ST3GAL1: variants seen among roughly 807,000 people sequenced by gnomAD.
ST3GAL1 encodes CMP-N-acetylneuraminate-beta-galactosamide-alpha-2,3-sialyltransferase 1.
A neutral mutation model predicts 34.1 loss-of-function variants in ST3GAL1; 16 were observed. The observed-to-expected ratio is 0.47, with a 90% CI of 0.32 to 0.71. The LOEUF (loss-of-function observed/expected upper bound fraction) is 0.71, where lower values mean the gene tolerates loss of function less well. Among genes scored for constraint, ST3GAL1 ranks in the 30% least tolerant of loss-of-function variants. The pLI, the probability that ST3GAL1 is intolerant of heterozygous loss-of-function variation, is 0.04. For missense variants in ST3GAL1, 353 were observed against 447.4 expected (o/e 0.79, Z 1.90); for synonymous variants, 191 against 184.7 (o/e 1.03, Z -0.28).
intron 2 of ST3GAL1, among the ~76,000 whole-genome samples, chr8:133,514,672 A>C (rs1563722548): frequency 6.6e-6 from 1 of 152,096 alleles, no homozygotes; most frequent in Non-Finnish European, 1.5e-5. Context: ...ATGAGATTCC[A>C]TCCTGGGCCT....
rs573043236 is a variant in ST3GAL1 at position 133,457,492 on chromosome 8, C to T, written c.*2272G>A. The stretch of plus-strand genomic sequence containing the variant: ...CAACAAACATTTGTTGAGCTCTTAA[C>T]GTCATATATGGGTGTGAGCTCTGCC... On this transcript the variant is annotated 3_prime_UTR_variant, in exon 10 of 10. Transcript: ENST00000522652. 1.3e-5 allele frequency: 2 copies of T among 152,258 alleles called. No individual in the cohort carries two copies. Among genetic ancestry groups the T allele is most frequent in the East Asian group, 3.9e-4 (2 of 5,172 alleles). The allele number at this position is 152,258 out of a possible 1,614,324, so 9.4% of individuals were successfully genotyped here.
rs369709240 is a variant in ST3GAL1, at chr8:133,461,597, G to A, written c.849+278C>T. The stretch of plus-strand genomic sequence containing the variant: ...GCTATGAGAATCCGCTTCTGTATCC[G>A]GAATCTGCTGCGAGATCCGAGCTTC... On this transcript the variant is annotated intron_variant, in intron 9 of 9. Transcript: ENST00000522652. This position sits in a 1 kb window ranked among gnomAD's most constrained non-coding sequence, Gnocchi z 4.7. Among the ~76,000 whole-genome samples the A allele has an allele frequency of 7.2e-5, 11 of 152,158 alleles. No homozygotes were observed. The highest frequency in any genetic ancestry group is 2.7e-4 in the African/African-American group (11 of 41,426).
intron 3 of ST3GAL1, among the ~76,000 whole-genome samples, chr8:133,492,854 C>A (rs760920157): frequency 6.6e-6 from 1 of 152,216 alleles, no homozygotes; most frequent in Non-Finnish European, 1.5e-5. Flanking sequence ...AGCGTCCATG[C>A]GGCAGGGGGA....
intron 2 of ST3GAL1, among the ~76,000 whole-genome samples, chr8:133,530,519 G>C (rs1818121072): frequency 6.6e-6 from 1 of 152,104 alleles, no homozygotes; most frequent in African/African-American, 2.4e-5. Context: ...CTGACCTCAG[G>C]TGATCCACTC....
intron 3 of ST3GAL1, among the ~76,000 whole-genome samples, chr8:133,495,121 T>C (rs1305232254): frequency 1.3e-5 from 2 of 152,038 alleles, no homozygotes; most frequent in East Asian, 3.9e-4. Flanking sequence ...GGTTTCACTA[T>C]ATTAGCCAGG....
chr8:133,557,904 CAAAAAA>C (rs543479046), intron 1 of ST3GAL1, among the ~76,000 whole-genome samples: 8 of 65,382 alleles, frequency 1.2e-4, no homozygotes, highest in African/African-American at 2.9e-4. Flanking sequence ...GACTCCGTCT[CAAAAAA>C]AAAAAAAAAA....
chr8:133,466,441 C>G lies in ST3GAL1; in HGVS notation c.307-351G>C, dbSNP rs2130925385. Among the ~76,000 whole-genome samples the G allele has an allele frequency of 6.6e-6, 1 of 152,320 alleles. No individual in the cohort carries two copies. The highest frequency in any genetic ancestry group is 6.5e-5 in the Admixed American group (1 of 15,302). ...CAGCGTTTCTCCAACCTGCTCCTCCCTGGGGGCTCCTGTCTCTCTGAAAGG... is the reference window on the plus strand; with the variant it reads ...CAGCGTTTCTCCAACCTGCTCCTCCGTGGGGGCTCCTGTCTCTCTGAAAGG... On this transcript the variant is annotated intron_variant, in intron 5 of 9. Transcript: ENST00000522652. The surrounding 1 kb of genome is among the most constrained non-coding windows in gnomAD (Gnocchi z 4.4).
intron 2 of ST3GAL1, among the ~76,000 whole-genome samples, chr8:133,518,217 T>C (rs1319412818): frequency 1.3e-5 from 2 of 152,084 alleles, no homozygotes; most frequent in Non-Finnish European, 2.9e-5. Context: ...AGCTTGAGGG[T>C]GGGTCCTGCA....
At chr8:133,524,816 T>C (rs1378680426) in intron 2 of ST3GAL1, among the ~76,000 whole-genome samples, 1 of 152,244 alleles carries the variant, frequency 6.6e-6, no homozygotes, top group Non-Finnish European at 1.5e-5. Flanking sequence ...AGCTGCCACA[T>C]TCCTAAGTAA....
intron 1 of ST3GAL1, among the ~76,000 whole-genome samples, chr8:133,568,486 G>A (rs1447727478): frequency 6.6e-6 from 1 of 152,216 alleles, no homozygotes; most frequent in Non-Finnish European, 1.5e-5. Context: ...GACCGGGCCA[G>A]CTCTTCCATC....
chr8:133,515,861 G>A (rs1401232206), intron 2 of ST3GAL1: 1 of 151,780 alleles, frequency 6.6e-6, no homozygotes, highest in Non-Finnish European at 1.5e-5. Context: ...CTATTTTTTT[G>A]GTAGGAGGGG....
intron 1 of ST3GAL1, among the ~76,000 whole-genome samples, chr8:133,555,967 C>T (rs1186971502): frequency 6.6e-6 from 1 of 152,160 alleles, no homozygotes; most frequent in African/African-American, 2.4e-5. Flanking sequence ...GGTCTCGGCT[C>T]ACTGCAACCT....
At chr8:133,495,166 C>A (rs1205701121) in intron 3 of ST3GAL1, among the ~76,000 whole-genome samples, 2 of 152,142 alleles carry the variant, frequency 1.3e-5, no homozygotes, top group Non-Finnish European at 2.9e-5. Flanking sequence ...GATCCGCCTG[C>A]CTCAGCCTCC....
At position 133,486,057 on chromosome 8, in the gene ST3GAL1, G is replaced by A. The variant is rs1260014615; in HGVS notation, c.-373-9457C>T. On this transcript the variant is annotated intron_variant, in intron 3 of 9. Transcript: ENST00000522652. ...TTGGCTGGGCCCACAACAAGCTCCC[G>A]ATGAAGGTACTGGGTATCATCTCCA... Among the ~76,000 whole-genome samples, 5 of 152,202 alleles carry A rather than the reference G, an allele frequency of 3.3e-5. No homozygotes were observed. The South Asian group carries it at 8.3e-4, about 25-fold the overall frequency.
chr8:133,562,650 T>G lies in ST3GAL1; in HGVS notation c.-582+9043A>C, dbSNP rs1229821428. Among the ~76,000 whole-genome samples the G allele has an allele frequency of 2.0e-5, 3 of 152,170 alleles. No homozygotes were observed. The South Asian group carries it at 6.2e-4, about 32-fold the overall frequency. On this transcript the variant is annotated intron_variant, in intron 1 of 9. Coordinates refer to ENST00000522652, the MANE Select transcript of ST3GAL1 (RefSeq NM_173344.3). ...TGTTTGAGCTCTTGACCACTGGCAG[T>G]TCTTTGCCCTTGTTAGGGCTCCAGC... is the stretch of plus-strand genomic sequence containing the variant.
At chr8:133,477,012 T>A (rs10111231) in intron 3 of ST3GAL1, among the ~76,000 whole-genome samples, 68 of 152,356 alleles carry the variant, frequency 4.5e-4, no homozygotes, top group African/African-American at 1.6e-3. Flanking sequence ...AATGGTATGC[T>A]TAGAGAGTGG....
rs538184053 is a variant in ST3GAL1, at chr8:133,494,109, G to A, written c.-374+5026C>T. Among the ~76,000 whole-genome samples the A allele has an allele frequency of 2.6e-5, 4 of 152,280 alleles. No homozygotes were observed. In the South Asian group the frequency reaches 6.2e-4, roughly 24 times the overall value. Reference sequence around the variant, plus strand: ...AAAACCTAGAAGGATAAATTATTAGGAAGAATTTGCTGTTTCTTATTAACG... The same window carrying A: ...AAAACCTAGAAGGATAAATTATTAGAAAGAATTTGCTGTTTCTTATTAACG... On this transcript the variant is annotated intron_variant, in intron 3 of 9. Coordinates refer to ENST00000522652, the MANE Select transcript of ST3GAL1 (RefSeq NM_173344.3).
intron 8 of ST3GAL1, among the ~76,000 whole-genome samples, chr8:133,462,753 A>C (rs557004080): frequency 1.6e-4 from 24 of 152,062 alleles, no homozygotes; most frequent in Non-Finnish European, 1.3e-4. Context: ...CCTTCCACCA[A>C]CCCCACCCTA....
chr8:133,521,038 C>T (rs1462694747), intron 2 of ST3GAL1, among the ~76,000 whole-genome samples: 1 of 98,050 alleles, frequency 1.0e-5, no homozygotes, highest in African/African-American at 4.2e-5. Context: ...CTGCAACCTC[C>T]GCTTCCTGGG....
Sources: allele counts gnomAD v4.1 joint callset (sites outside exome capture counted in the v4.1 genomes callset), GRCh38; gene constraint gnomAD v4.1.1; non-coding constraint Gnocchi (gnomAD v3.1); transcripts MANE v1.5; gene names NCBI Gene and HGNC (gene_info 2026-07-23, HGNC 2026-07-21).